Variants in CACNB2 observed in about 807,000 individuals in gnomAD.
The protein encoded by CACNB2 is voltage-dependent L-type calcium channel subunit beta-2.
Under a neutral mutation model 73.3 loss-of-function variants are expected in CACNB2, and 42 were observed. The ratio of observed to expected loss-of-function variants is 0.57; its 90% CI spans 0.45 to 0.74. CACNB2 has a LOEUF of 0.74. Ranked by LOEUF, CACNB2 falls within the 30% of genes least tolerant of loss-of-function variation. The pLI is 0.00. For missense variants in CACNB2, 940 were observed against 853.0 expected, an observed-to-expected ratio of 1.10 and a Z score of -1.27; for synonymous variants, 348 against 310.3, an observed-to-expected ratio of 1.12 and a Z score of -1.28.
chr10:18,150,855 C>CTTTTT lies in CACNB2; in HGVS notation c.121-7_121-3dup, dbSNP rs71402148. ...AGGGTCTCATAATAATCTTATTTGT[C>CTTTTT]TTTTTTTTTTTTTTTTTTTTTTTTT... is the stretch of plus-strand genomic sequence containing the variant. On this transcript the variant is annotated intron_variant, in intron 1 of 13. Transcript: ENST00000324631. The CTTTTT allele has an allele frequency of 6.7e-3, 3,248 of 483,174 alleles. 296 individuals are homozygous for CTTTTT. The highest frequency in any genetic ancestry group is 0.011 in the South Asian group (408 of 36,516). 29.9% of individuals were successfully genotyped at this position (483,174 alleles called of 1,614,324 possible).
chr10:18,539,839 A>G lies in CACNB2; in HGVS notation c.*115A>G. The G allele has an allele frequency of 2.7e-6, 3 of 1,094,180 alleles. No individual in the cohort carries two copies. The South Asian group carries it at 4.5e-5, about 16-fold the overall frequency. The allele number at this position is 1,094,180 out of a possible 1,614,324, so 67.8% of individuals were successfully genotyped here. On this transcript the variant is annotated 3_prime_UTR_variant, in exon 14 of 14. Coordinates refer to ENST00000324631, the MANE Select transcript of CACNB2 (RefSeq NM_201596.3). ...GCAATCATATGTGATCTGTCTTGTA[A>G]TATTTTGTATTATTGCTGTTGCTTG...
chr10:18,510,666 A>T (rs1256584837), intron 6 of CACNB2, among the ~76,000 whole-genome samples: 1 of 152,224 alleles, frequency 6.6e-6, no homozygotes, highest in Non-Finnish European at 1.5e-5. Context: ...TCAATGGGCA[A>T]ATCACAAAAT....
intron 3 of CACNB2, among the ~76,000 whole-genome samples, chr10:18,483,787 C>G (rs980484442): frequency 3.9e-5 from 6 of 152,088 alleles, no homozygotes; most frequent in Admixed American, 6.6e-5. Context: ...TTTGGAAATT[C>G]TTTGTAGTGT....
intron 2 of CACNB2, among the ~76,000 whole-genome samples, chr10:18,311,313 T>C (rs924418250): frequency 1.3e-5 from 2 of 152,240 alleles, no homozygotes; most frequent in African/African-American, 2.4e-5. Flanking sequence ...CTTTTAGTCT[T>C]GTTTTCTTAG....
chr10:18,324,709 A>AC lies in CACNB2; in HGVS notation c.214-77215_214-77214insC, dbSNP rs2040517132. 2.0e-5 allele frequency among the ~76,000 whole-genome samples: 3 copies of AC among 152,268 alleles called. No individual in the cohort carries two copies. In the East Asian group the frequency reaches 5.8e-4, roughly 29 times the overall value. On this transcript the variant is annotated intron_variant, in intron 2 of 13. Transcript: ENST00000324631. ...CGTCTCTACTGAAAATACAAAAATTAACTGGGTGTGGTGGCATGCGTCTGT... is the reference window on the plus strand; with the variant it reads ...CGTCTCTACTGAAAATACAAAAATTACACTGGGTGTGGTGGCATGCGTCTGT...
chr10:18,405,500 G>A lies in CACNB2; in HGVS notation c.333+3457G>A, dbSNP rs1345175243. 3.9e-5 allele frequency among the ~76,000 whole-genome samples: 6 copies of A among 152,232 alleles called. No homozygotes were observed. In the South Asian group the frequency reaches 1.0e-3, roughly 26 times the overall value. On this transcript the variant is annotated intron_variant, in intron 3 of 13. Transcript: ENST00000324631. Reference sequence around the variant, plus strand: ...GGGCGTATGTTTTCATTTCACATATGTATGTACTTTGGAGTGAAATTGCTG... The same window carrying A: ...GGGCGTATGTTTTCATTTCACATATATATGTACTTTGGAGTGAAATTGCTG...
chr10:18,295,492 A>C (rs2039240172), intron 2 of CACNB2, among the ~76,000 whole-genome samples: 1 of 152,228 alleles, frequency 6.6e-6, no homozygotes, highest in Non-Finnish European at 1.5e-5. Flanking sequence ...AGGAACTGAA[A>C]TCAGTCACAC....
intron 2 of CACNB2, among the ~76,000 whole-genome samples, chr10:18,270,168 A>C (rs759688768): frequency 6.6e-6 from 1 of 152,174 alleles, no homozygotes; most frequent in Non-Finnish European, 1.5e-5. Flanking sequence ...GACCTTCTTC[A>C]CGTGGCGGCA....
At chr10:18,376,741 G>T (rs966593684) in intron 2 of CACNB2, among the ~76,000 whole-genome samples, 2 of 152,086 alleles carry the variant, frequency 1.3e-5, no homozygotes, top group African/African-American at 4.8e-5. Flanking sequence ...CTCGGAGGAG[G>T]GTTATCTTAA....
At chr10:18,502,646 G>A (rs769057842) in intron 5 of CACNB2, among the ~76,000 whole-genome samples, 9 of 118,234 alleles carry the variant, frequency 7.6e-5, no homozygotes, top group Non-Finnish European at 1.1e-4. Flanking sequence ...AGCCAAGATC[G>A]CACCATTGCA....
chr10:18,495,568 TG>T (rs2049750718), intron 3 of CACNB2, among the ~76,000 whole-genome samples: 2 of 142,230 alleles, frequency 1.4e-5, no homozygotes, highest in Admixed American at 1.4e-4. Flanking sequence ...TGTGTGTGTG[TG>T]TGTGTGTGTG....
intron 2 of CACNB2, among the ~76,000 whole-genome samples, chr10:18,345,967 A>G (rs922783113): frequency 6.6e-6 from 1 of 152,170 alleles, no homozygotes; most frequent in Non-Finnish European, 1.5e-5. Flanking sequence ...CTTTCTGTTC[A>G]TAGATTTTAC....
In CACNB2 at chr10:18,457,624, C is replaced by T. The variant is rs761427583; in HGVS notation, c.334-40731C>T. On this transcript the variant is annotated intron_variant, in intron 3 of 13. Transcript: ENST00000324631. ...ATTAGGAGAGGGCCGGTCGCGGTGGCTCATGCCTGTAATCCAAGCACTTTG... is the reference window on the plus strand; with the variant it reads ...ATTAGGAGAGGGCCGGTCGCGGTGGTTCATGCCTGTAATCCAAGCACTTTG... Among the ~76,000 whole-genome samples the T allele has an allele frequency of 2.4e-4, 37 of 152,092 alleles. 1 individual carries two copies. Among genetic ancestry groups the T allele is most frequent in the Admixed American group, 6.6e-4 (10 of 15,258 alleles).
chr10:18,200,846 G>A (rs899036753), intron 2 of CACNB2, among the ~76,000 whole-genome samples: 1 of 152,114 alleles, frequency 6.6e-6, no homozygotes, highest in Non-Finnish European at 1.5e-5. Context: ...TTTAGAAGTT[G>A]TTTTCTAATG....
intron 9 of CACNB2, among the ~76,000 whole-genome samples, chr10:18,519,478 G>C (rs2051622358): frequency 6.6e-6 from 1 of 152,142 alleles, no homozygotes; most frequent in Non-Finnish European, 1.5e-5. Context: ...TGCATGCTCT[G>C]CTTTATCTCC....
intron 2 of CACNB2, among the ~76,000 whole-genome samples, chr10:18,169,978 T>C (rs2131143762): frequency 6.6e-6 from 1 of 152,310 alleles, no homozygotes; most frequent in Middle Eastern, 3.4e-3. Context: ...CCATGTTGGT[T>C]TCATTCTCAG....
chr10:18,394,822 C>G (rs768632696), intron 2 of CACNB2, among the ~76,000 whole-genome samples: 30 of 152,212 alleles, frequency 2.0e-4, no homozygotes, highest in Non-Finnish European at 3.5e-4. Context: ...TGATTATCCT[C>G]ATTATGAGTA....
At chr10:18,256,614 A>T (rs2037295830) in intron 2 of CACNB2, 1 of 151,972 alleles carries the variant, frequency 6.6e-6, no homozygotes, top group Non-Finnish European at 1.5e-5. Context: ...TGAATTCATC[A>T]TTCATTCCAG....
intron 2 of CACNB2, among the ~76,000 whole-genome samples, chr10:18,383,862 C>T (rs1199951269): frequency 1.3e-5 from 2 of 152,110 alleles, no homozygotes; most frequent in East Asian, 1.9e-4. Context: ...CACACCACCA[C>T]GCCCGGCTAA....
Sources: gnomAD v4.1 joint callset for allele counts (sites outside exome capture counted in the v4.1 genomes callset) on GRCh38, gnomAD v4.1.1 for gene constraint, MANE v1.5 for transcripts, NCBI Gene and HGNC (gene_info 2026-07-23, HGNC 2026-07-21) for gene names.